Variants in CACNA1D observed in about 807,000 individuals in gnomAD.
CACNA1D encodes voltage-dependent L-type calcium channel subunit alpha-1D.
Under a neutral mutation model 257.1 loss-of-function variants are expected in CACNA1D, and 55 were observed. The observed-to-expected ratio is 0.21, with a 90% CI of 0.17 to 0.27. The LOEUF (loss-of-function observed/expected upper bound fraction) is 0.27. Among genes scored for constraint, CACNA1D ranks in the 10% least tolerant of loss-of-function variants. The pLI is 1.00. For synonymous variants in CACNA1D, 980 were observed against 1,014.9 expected, an observed-to-expected ratio of 0.97 and a Z score of 0.65; for missense variants, 1,876 against 2,784.0, an observed-to-expected ratio of 0.67 and a Z score of 7.34.
At position 53,774,377 on chromosome 3, in the gene CACNA1D, G is replaced by C; in HGVS notation, c.4111-210G>C. 1 of 561,580 alleles carries C rather than the reference G, an allele frequency of 1.8e-6. No individual in the cohort carries two copies. The highest frequency in any genetic ancestry group is 3.1e-5 in the East Asian group (1 of 32,282). The allele number at this position is 561,580 out of a possible 1,614,324, so 34.8% of individuals were successfully genotyped here. A position where few individuals can be genotyped will look rare whatever the true frequency, so the allele number is the denominator to read the frequency against. On this transcript the variant is annotated intron_variant, in intron 33 of 47. Transcript: ENST00000350061. The surrounding 1 kb of genome is among the most constrained non-coding windows in gnomAD (Gnocchi z 4.3). ...GGGAGATCCGCGAATGTGAGACCGT[G>C]CCCCTCTGGAGCACCACGTTCCCAG...
At chr3:53,539,282 G>C (rs1398038630) in intron 3 of CACNA1D, among the ~76,000 whole-genome samples, 1 of 151,896 alleles carries the variant, frequency 6.6e-6, no homozygotes, top group African/African-American at 2.4e-5. Flanking sequence ...ACTAATTTTT[G>C]TATTTTTAGT....
chr3:53,773,557 G>C (rs916576409), intron 33 of CACNA1D: 2 of 152,488 alleles, frequency 1.3e-5, no homozygotes, highest in African/African-American at 4.8e-5. Flanking sequence ...GCTCCTTGCA[G>C]ATTCTCCACG....
Position 53,808,722 on chromosome 3 carries a change from C to T in CACNA1D, c.5823C>T (p.Pro1941=). The T allele has an allele frequency of 1.9e-6, 3 of 1,608,992 alleles. No individual in the cohort carries two copies. Among genetic ancestry groups the T allele is most frequent in the Non-Finnish European group, 8.5e-7 (1 of 1,179,978 alleles). The stretch of plus-strand genomic sequence containing the variant: ...GCCAGGAAGAGGTCCCGTCGTCTCC[C>T]ATCTTCCCCCATCGCACGGCCCTGC... ...QSSQEEVPSS[P]IFPHRTALPL... The change falls in exon 46 of 48, where the codon CCC becomes CCT. Residue 1941 remains proline, a synonymous_variant. Coordinates refer to ENST00000350061, the MANE Select transcript of CACNA1D (RefSeq NM_001128840.3).
At chr3:53,703,286 G>A (rs2094646406) in intron 9 of CACNA1D, among the ~76,000 whole-genome samples, 1 of 152,194 alleles carries the variant, frequency 6.6e-6, no homozygotes, top group South Asian at 2.1e-4. Context: ...CATATGCTTA[G>A]CCCATCAGGG....
At chr3:53,801,019 T>C in intron 41 of CACNA1D, 39 bp from the exon 42 acceptor site, 2 of 1,610,434 alleles carry the variant, frequency 1.2e-6, no homozygotes, top group Non-Finnish European at 1.7e-6. Flanking sequence ...CATCAAATAC[T>C]TGTTAAATTA....
At chr3:53,498,198 C>G (rs1440530089) in intron 2 of CACNA1D, among the ~76,000 whole-genome samples, 1 of 152,106 alleles carries the variant, frequency 6.6e-6, no homozygotes, top group East Asian at 1.9e-4. Flanking sequence ...TATAGAACAG[C>G]CTTTTCAGTG....
At chr3:53,565,042 T>C (rs2107656049) in intron 3 of CACNA1D, among the ~76,000 whole-genome samples, 1 of 152,334 alleles carries the variant, frequency 6.6e-6, no homozygotes, top group East Asian at 1.9e-4. Context: ...ATGTGGATTA[T>C]CAGTGTTTCA....
intron 3 of CACNA1D, among the ~76,000 whole-genome samples, chr3:53,571,505 C>T (rs982931412): frequency 1.3e-5 from 2 of 151,930 alleles, no homozygotes; most frequent in Non-Finnish European, 2.9e-5. Flanking sequence ...GTTGGTTATA[C>T]GAATGGGGTG....
At chr3:53,613,119 T>G (rs1376146409) in intron 3 of CACNA1D, among the ~76,000 whole-genome samples, 2 of 152,190 alleles carry the variant, frequency 1.3e-5, no homozygotes, top group Admixed American at 6.5e-5. Flanking sequence ...CACCACAGAG[T>G]ATGCTGCTGA....
rs758897497 is a variant in CACNA1D, at chr3:53,808,674, T to C, written c.5775T>C (p.Phe1925=). 2.5e-6 allele frequency: 4 copies of C among 1,609,120 alleles called. No individual in the cohort carries two copies. In the African/African-American group the frequency reaches 4.0e-5, roughly 16 times the overall value. ...CCCACCGGAGATCCTCCTTCAACTTTGAGTGCCTGCGCCGGCAGAGCAGCC... is the reference window on the plus strand; with the variant it reads ...CCCACCGGAGATCCTCCTTCAACTTCGAGTGCCTGCGCCGGCAGAGCAGCC... ...PASHRRSSFN[F]ECLRRQSSQE... is the part of the protein sequence containing the mutation. Residue 1925 remains phenylalanine (F), a synonymous_variant, in exon 46 of 48, where the codon TTT becomes TTC. Coordinates refer to ENST00000350061, the MANE Select transcript of CACNA1D (RefSeq NM_001128840.3).
chr3:53,649,361 G>C (rs1398766987), intron 3 of CACNA1D, among the ~76,000 whole-genome samples: 4 of 152,152 alleles, frequency 2.6e-5, no homozygotes, highest in African/African-American at 9.7e-5. Flanking sequence ...ATATATAATA[G>C]TGATAATATA....
chr3:53,762,259 T>C (rs2095307607), intron 30 of CACNA1D, among the ~76,000 whole-genome samples, 178 bp downstream of exon 30: 1 of 152,230 alleles, frequency 6.6e-6, no homozygotes. Flanking sequence ...TAGAGCCTTA[T>C]CCCAGGGCCT....
chr3:53,674,195 A>G, intron 8 of CACNA1D: 1 of 371,514 alleles, frequency 2.7e-6, no homozygotes, highest in Non-Finnish European at 5.1e-6. Context: ...TGTGTCTATT[A>G]GTACATAACC....
Position 53,774,276 on chromosome 3 carries a change from T to C in CACNA1D, c.4111-311T>C. 1 of 372,890 alleles carries C rather than the reference T, an allele frequency of 2.7e-6. No individual in the cohort carries two copies. The highest frequency in any genetic ancestry group is 4.0e-5 in the Admixed American group (1 of 25,236). 23.1% of individuals were successfully genotyped at this position (372,890 alleles called of 1,614,324 possible). A position where few individuals can be genotyped will look rare whatever the true frequency, so the allele number is the denominator to read the frequency against. On this transcript the variant is annotated intron_variant, in intron 33 of 47. Coordinates refer to ENST00000350061, the MANE Select transcript of CACNA1D (RefSeq NM_001128840.3). This position sits in a 1 kb window ranked among gnomAD's most constrained non-coding sequence, Gnocchi z 4.3. ...TTCAGTAGATGAGCCTGTCTCACGC[T>C]TCCCTGTGTGTCTGGACCACCCCAG...
At chr3:53,516,510 G>A (rs1213454906) in intron 3 of CACNA1D, among the ~76,000 whole-genome samples, 3 of 152,230 alleles carry the variant, frequency 2.0e-5, no homozygotes, top group Admixed American at 2.0e-4. Flanking sequence ...AAGCCTGGTG[G>A]GGGCACTGGG....
intron 3 of CACNA1D, among the ~76,000 whole-genome samples, chr3:53,586,276 CTGTGTGTGTGTGTGTGTGTGTG>C (rs57318445): frequency 1.5e-5 from 2 of 135,938 alleles, no homozygotes; most frequent in African/African-American, 2.7e-5. Flanking sequence ...TGCCTCTATT[CTGTGTGTGTGTGTGTGTGTGTG>C]TGTGTGTGTG....
At chr3:53,585,511 A>G (rs920051355) in intron 3 of CACNA1D, among the ~76,000 whole-genome samples, 2 of 152,130 alleles carry the variant, frequency 1.3e-5, no homozygotes, top group Non-Finnish European at 2.9e-5. Flanking sequence ...AGGTTGACCT[A>G]TTTTCATTAC....
chr3:53,754,336 G>A (rs2095248387), intron 29 of CACNA1D, among the ~76,000 whole-genome samples: 1 of 152,230 alleles, frequency 6.6e-6, no homozygotes, highest in South Asian at 2.1e-4. Context: ...TGCCAGATGA[G>A]GGGCAGTGTA....
intron 16 of CACNA1D, 130 bp from the exon 17 acceptor site, chr3:53,730,947 T>G (rs2094985558): frequency 2.9e-6 from 2 of 678,638 alleles, no homozygotes; most frequent in Non-Finnish European, 5.3e-6. Flanking sequence ...GCTAGGCTCT[T>G]GTGGTTAGTG....
Sources: allele counts gnomAD v4.1 joint callset (sites outside exome capture counted in the v4.1 genomes callset), GRCh38; gene constraint gnomAD v4.1.1; non-coding constraint Gnocchi (gnomAD v3.1); transcripts MANE v1.5; gene names NCBI Gene and HGNC (gene_info 2026-07-23, HGNC 2026-07-21).